Variants in PIK3R3 observed in about 807,000 individuals in gnomAD.
PIK3R3 encodes the protein phosphoinositide-3-kinase regulatory subunit 3, also known as phosphatidylinositol 3-kinase regulatory subunit gamma.
In PIK3R3, 64 loss-of-function variants were observed where a neutral mutation model predicts 62.9. That is an observed-to-expected ratio of 1.02 (90% CI 0.83 to 1.25). PIK3R3 has a LOEUF of 1.25. Among genes scored for constraint, PIK3R3 ranks in the 50% most tolerant of loss-of-function variants. The pLI, the probability that PIK3R3 is intolerant of heterozygous loss-of-function variation, is 0.00. For missense variants in PIK3R3, 614 were observed against 561.6 expected, an observed-to-expected ratio of 1.09 and a Z score of -0.94; for synonymous variants, 165 against 189.0, an observed-to-expected ratio of 0.87 and a Z score of 1.04.
intron 5 of PIK3R3, 27 bp from the exon 6 acceptor site, chr1:46,062,098 AG>A (rs755414098): frequency 1.3e-6 from 2 of 1,564,032 alleles, no homozygotes; most frequent in Non-Finnish European, 1.7e-6. Context: ...GAAAAAACAC[AG>A]GCTTCATTAT....
chr1:46,170,276 G>T, the PIK3R3 span, among the ~76,000 whole-genome samples: 1 of 152,146 alleles, frequency 6.6e-6, no homozygotes, highest in Non-Finnish European at 1.5e-5. Flanking sequence ...GCTACTTGAT[G>T]ATTCTTTCTT....
At chr1:46,067,852 A>G (rs892558351) in intron 3 of PIK3R3, among the ~76,000 whole-genome samples, 3 of 152,230 alleles carry the variant, frequency 2.0e-5, no homozygotes, top group African/African-American at 7.2e-5. Flanking sequence ...ACTGAGTCAT[A>G]TCTAAATGGA....
chr1:46,077,889 CA>C (rs1442590721), intron 2 of PIK3R3, among the ~76,000 whole-genome samples: 1 of 152,162 alleles, frequency 6.6e-6, no homozygotes, highest in Non-Finnish European at 1.5e-5. Context: ...CTGTTTCCAT[CA>C]AGCCTTTAAG....
At chr1:46,072,287 G>A (rs1649608840) in intron 3 of PIK3R3, among the ~76,000 whole-genome samples, 1 of 152,112 alleles carries the variant, frequency 6.6e-6, no homozygotes, top group Non-Finnish European at 1.5e-5. Context: ...AGAGTAATTA[G>A]CACTAAGTTG....
At chr1:46,110,715 T>C (rs1653667851) in intron 1 of PIK3R3, among the ~76,000 whole-genome samples, 1 of 152,074 alleles carries the variant, frequency 6.6e-6, no homozygotes, top group Non-Finnish European at 1.5e-5. Context: ...AAATATTTGT[T>C]GAATTACTGC....
intron 3 of PIK3R3, among the ~76,000 whole-genome samples, chr1:46,071,855 T>A (rs970870585): frequency 6.6e-6 from 1 of 151,136 alleles, no homozygotes; most frequent in South Asian, 2.1e-4. Context: ...CTCCCAAGTT[T>A]TGGAATTCAA....
chr1:46,154,172 T>C, the PIK3R3 span, among the ~76,000 whole-genome samples: 1 of 152,180 alleles, frequency 6.6e-6, no homozygotes, highest in Admixed American at 6.5e-5. Flanking sequence ...ATTCTATTGC[T>C]GAAAGGAAGA....
chr1:46,115,604 G>C (rs1450932067), intron 1 of PIK3R3, among the ~76,000 whole-genome samples: 9 of 152,194 alleles, frequency 5.9e-5, no homozygotes, highest in Admixed American at 5.9e-4. Flanking sequence ...GTCCCAGTTA[G>C]AGAGATATGA....
intron 3 of PIK3R3, among the ~76,000 whole-genome samples, chr1:46,075,573 G>C (rs547310559): frequency 6.6e-6 from 1 of 152,022 alleles, no homozygotes; most frequent in Non-Finnish European, 1.5e-5. Flanking sequence ...AGTGAGCCAT[G>C]ACCATGCCAC....
rs1553143014 is a variant in PIK3R3 at position 46,047,448 on chromosome 1, A to AG, written c.942-824_942-823insC. Among the ~76,000 whole-genome samples, 4 of 141,806 alleles carry AG rather than the reference A, an allele frequency of 2.8e-5. No individual in the cohort carries two copies. In the East Asian group the frequency reaches 8.1e-4, roughly 29 times the overall value. The allele number at this position is 141,806 out of a possible 152,430, so 93.0% of individuals were successfully genotyped here. A position where few individuals can be genotyped will look rare whatever the true frequency, so the allele number is the denominator to read the frequency against. ...ACGAGACTCCATCTCAAAAAAAAAA[A>AG]AAAGAAAGAAAGAAAGAAAAGAAAA... On this transcript the variant is annotated intron_variant, in intron 7 of 9. Transcript: ENST00000262741.
intron 1 of PIK3R3, among the ~76,000 whole-genome samples, chr1:46,117,304 G>A (rs573311254): frequency 6.6e-6 from 1 of 152,102 alleles, no homozygotes; most frequent in East Asian, 1.9e-4. Flanking sequence ...ATGGTGGCAC[G>A]CACCTATAGT....
chr1:46,147,823 A>G, the PIK3R3 span, among the ~76,000 whole-genome samples: 2 of 152,264 alleles, frequency 1.3e-5, no homozygotes, highest in Non-Finnish European at 2.9e-5. Flanking sequence ...TTCTAACATG[A>G]TGCCTTCCAA....
At chr1:46,153,145 T>C in the PIK3R3 span, among the ~76,000 whole-genome samples, 1 of 152,208 alleles carries the variant, frequency 6.6e-6, no homozygotes, top group Non-Finnish European at 1.5e-5. Flanking sequence ...GGAATGGATA[T>C]AAAATTCAAT....
chr1:46,108,704 A>G (rs1054426813), intron 1 of PIK3R3, among the ~76,000 whole-genome samples: 2 of 152,160 alleles, frequency 1.3e-5, no homozygotes, highest in African/African-American at 4.8e-5. Context: ...ATGTTAGGCA[A>G]AGGTTTATCT....
chr1:46,069,466 C>G (rs1649297547), intron 3 of PIK3R3, among the ~76,000 whole-genome samples: 1 of 151,194 alleles, frequency 6.6e-6, no homozygotes, highest in Non-Finnish European at 1.5e-5. Flanking sequence ...TTGCAGTGAG[C>G]CGAGATCACG....
chr1:46,077,335 CA>C (rs1650154938), intron 3 of PIK3R3, among the ~76,000 whole-genome samples, 179 bp downstream of exon 3: 1 of 151,728 alleles, frequency 6.6e-6, no homozygotes, highest in Non-Finnish European at 1.5e-5. Flanking sequence ...CATTTTTATA[CA>C]AAATGTTTAA....
intron 1 of PIK3R3, among the ~76,000 whole-genome samples, chr1:46,092,705 T>C (rs918834187): frequency 3.9e-5 from 6 of 152,078 alleles, no homozygotes; most frequent in African/African-American, 1.4e-4. Context: ...ATCCCAGTTC[T>C]TTCACCTCAA....
At chr1:46,111,239 G>A (rs1479702656) in intron 1 of PIK3R3, among the ~76,000 whole-genome samples, 1 of 152,028 alleles carries the variant, frequency 6.6e-6, no homozygotes, top group Non-Finnish European at 1.5e-5. Flanking sequence ...TGTGAATTAA[G>A]TATTATTACT....
At chr1:46,137,654 T>C (rs541400485), upstream of PIK3R3, among the ~76,000 whole-genome samples, 2 of 152,352 alleles carry the variant, frequency 1.3e-5, no homozygotes, top group African/African-American at 2.4e-5. Flanking sequence ...TGGCACACCA[T>C]GTTCAAAGTG....
Sources: allele counts gnomAD v4.1 joint callset (sites outside exome capture counted in the v4.1 genomes callset), GRCh38; gene constraint gnomAD v4.1.1; transcripts MANE v1.5; gene names NCBI Gene and HGNC (gene_info 2026-07-23, HGNC 2026-07-21).